Variants in ARHGAP26 observed in about 807,000 individuals in gnomAD.
ARHGAP26 encodes the protein rho GTPase-activating protein 26.
ARHGAP26 carries 38 observed loss-of-function variants against 104.8 expected under a neutral mutation model. The observed-to-expected ratio is 0.36, with a 90% CI of 0.28 to 0.48. The LOEUF (loss-of-function observed/expected upper bound fraction) is 0.48. Ranked by LOEUF, ARHGAP26 falls within the 20% of genes least tolerant of loss-of-function variation. The pLI is 0.99. For synonymous variants in ARHGAP26, 341 were observed against 340.0 expected (o/e 1.00, Z -0.03); for missense variants, 704 against 947.9 (o/e 0.74, Z 3.38).
intron 1 of ARHGAP26, among the ~76,000 whole-genome samples, chr5:142,797,359 A>G (rs1317846306): frequency 6.6e-6 from 1 of 152,228 alleles, no homozygotes; most frequent in Non-Finnish European, 1.5e-5. Context: ...GGATTGATGA[A>G]TGTTGCAAGT....
chr5:142,995,389 T>A (rs1242787939), intron 11 of ARHGAP26, among the ~76,000 whole-genome samples: 2 of 152,156 alleles, frequency 1.3e-5, no homozygotes, highest in Non-Finnish European at 2.9e-5. Context: ...AAATTTATGC[T>A]GCCAACAAAC....
intron 1 of ARHGAP26, among the ~76,000 whole-genome samples, chr5:142,813,363 G>A (rs770817313): frequency 9.2e-5 from 14 of 152,194 alleles, no homozygotes; most frequent in Non-Finnish European, 1.9e-4. Flanking sequence ...GCACTCAGTG[G>A]CCTGATAGGA....
intron 11 of ARHGAP26, among the ~76,000 whole-genome samples, chr5:142,940,859 G>A (rs886247875): frequency 6.6e-6 from 1 of 151,886 alleles, no homozygotes; most frequent in Non-Finnish European, 1.5e-5. Flanking sequence ...GGCAGATAAC[G>A]AGGTCAGGAG....
At position 143,196,442 on chromosome 5, in the gene ARHGAP26, T is replaced by C. The variant is rs140506936; in HGVS notation, c.1989-10756T>C. Among the ~76,000 whole-genome samples the C allele has an allele frequency of 2.1e-3, 327 of 152,340 alleles. 1 individual carries two copies. The highest frequency in any genetic ancestry group is 6.9e-3 in the African/African-American group (288 of 41,572). ...GGGGAAATACAGAGTGAGCTTCCTG[T>C]AAGCCCCTGGTCACAACATTTTCAT... On this transcript the variant is annotated intron_variant, in intron 20 of 22. Transcript: ENST00000645722.
intron 20 of ARHGAP26, among the ~76,000 whole-genome samples, chr5:143,188,859 A>G (rs1805509660): frequency 6.6e-6 from 1 of 152,258 alleles, no homozygotes; most frequent in Non-Finnish European, 1.5e-5. Context: ...TAACTGTAGT[A>G]TCAAACAGTG....
intron 5 of ARHGAP26, among the ~76,000 whole-genome samples, chr5:142,890,466 G>A: frequency 6.6e-6 from 1 of 151,424 alleles, no homozygotes; most frequent in East Asian, 2.0e-4. Flanking sequence ...GGAGGGTTGG[G>A]CAGATTATTA....
intron 1 of ARHGAP26, among the ~76,000 whole-genome samples, chr5:142,785,386 T>A (rs1461144460): frequency 1.3e-5 from 2 of 152,244 alleles, no homozygotes; most frequent in African/African-American, 4.8e-5. Flanking sequence ...TCACACATTC[T>A]TGTCCTCTGA....
chr5:142,770,633 CA>C lies in ARHGAP26; in HGVS notation c.-128del, dbSNP rs1754996237. 4.7e-6 allele frequency: 3 copies of C among 644,076 alleles called. No homozygotes were observed. The highest frequency in any genetic ancestry group is 5.9e-6 in the Non-Finnish European group (3 of 507,446). 39.9% of individuals were successfully genotyped at this position (644,076 alleles called of 1,614,324 possible). A position where few individuals can be genotyped will look rare whatever the true frequency, so the allele number is the denominator to read the frequency against. Reference sequence around the variant, plus strand: ...GGCGGACACCGCGCGCGGAGTGAGCCAGCGCCACACCTGTGGAGCCGGCGGC... The same window carrying C: ...GGCGGACACCGCGCGCGGAGTGAGCCGCGCCACACCTGTGGAGCCGGCGGC... On this transcript the variant is annotated 5_prime_UTR_variant, in exon 1 of 23. Coordinates refer to ENST00000645722, the MANE Select transcript of ARHGAP26 (RefSeq NM_001135608.3).
intron 11 of ARHGAP26, 49 bp from the exon 12 acceptor site, chr5:143,014,031 T>C (rs1226139395): frequency 4.4e-6 from 7 of 1,577,684 alleles, no homozygotes; most frequent in Non-Finnish European, 6.1e-6. Context: ...AGTGAACCTA[T>C]AGGGTGGCAT....
intron 17 of ARHGAP26, among the ~76,000 whole-genome samples, chr5:143,114,206 A>T (rs1450851705): frequency 6.6e-6 from 1 of 152,182 alleles, no homozygotes; most frequent in Non-Finnish European, 1.5e-5. Context: ...TTGGTGAGCC[A>T]GGCCTCAGTC....
intron 1 of ARHGAP26, among the ~76,000 whole-genome samples, chr5:142,825,895 C>T (rs1767153747): frequency 6.6e-6 from 1 of 152,204 alleles, no homozygotes; most frequent in East Asian, 1.9e-4. Flanking sequence ...TGTTGCCTTT[C>T]CCGTGCTGTG....
At chr5:143,221,431 A>C (rs1390524994) in intron 22 of ARHGAP26, among the ~76,000 whole-genome samples, 1 of 151,758 alleles carries the variant, frequency 6.6e-6, no homozygotes, top group East Asian at 1.9e-4. Flanking sequence ...AACCAAAAAA[A>C]AAAAAAAAAA....
chr5:143,184,986 C>T (rs1009995861), intron 20 of ARHGAP26, among the ~76,000 whole-genome samples: 7 of 152,136 alleles, frequency 4.6e-5, no homozygotes, highest in African/African-American at 1.7e-4. Context: ...GAGGTCTATG[C>T]AACAGTGAGT....
At chr5:143,067,477 G>A (rs1289916474) in intron 17 of ARHGAP26, among the ~76,000 whole-genome samples, 3 of 152,074 alleles carry the variant, frequency 2.0e-5, no homozygotes, top group African/African-American at 7.2e-5. Context: ...TTTCACTTTT[G>A]CAGTTTCAGT....
chr5:142,899,839 G>A (rs939291192), intron 6 of ARHGAP26, among the ~76,000 whole-genome samples: 1 of 152,106 alleles, frequency 6.6e-6, no homozygotes, highest in African/African-American at 2.4e-5. Context: ...ACTAAAGGAG[G>A]AAAAACAAAA....
At chr5:143,090,095 C>T (rs535836188) in intron 17 of ARHGAP26, among the ~76,000 whole-genome samples, 3 of 152,368 alleles carry the variant, frequency 2.0e-5, no homozygotes, top group Admixed American at 2.0e-4. Flanking sequence ...CACTAAGTTT[C>T]CTCCCTGTCG....
Position 143,222,550 on chromosome 5 carries a change from C to A in ARHGAP26, c.*104C>A. 2.3e-6 allele frequency: 2 copies of A among 883,914 alleles called. No individual in the cohort carries two copies. The highest frequency in any genetic ancestry group is 3.3e-6 in the Non-Finnish European group (2 of 602,536). The allele number at this position is 883,914 out of a possible 1,614,324, so 54.8% of individuals were successfully genotyped here. On this transcript the variant is annotated 3_prime_UTR_variant, in exon 23 of 23. Transcript: ENST00000645722. Reference sequence around the variant, plus strand: ...TTTGCCACTGAGAAATGCAGCGTGACTGACTCTGTTGCTACCTGTCAACAT... The same window carrying A: ...TTTGCCACTGAGAAATGCAGCGTGAATGACTCTGTTGCTACCTGTCAACAT...
intron 21 of ARHGAP26, among the ~76,000 whole-genome samples, chr5:143,210,655 T>C (rs1033691148): frequency 3.9e-5 from 6 of 152,224 alleles, no homozygotes; most frequent in African/African-American, 1.4e-4. Flanking sequence ...TCCCTGGAAA[T>C]TATGCCTAAA....
chr5:143,147,091 C>T lies in ARHGAP26; in HGVS notation c.1838-140C>T, dbSNP rs546988720. 2.1e-5 allele frequency: 23 copies of T among 1,072,556 alleles called. No individual in the cohort carries two copies. The Admixed American group carries it at 6.0e-4, about 28-fold the overall frequency. The allele number at this position is 1,072,556 out of a possible 1,614,324, so 66.4% of individuals were successfully genotyped here. A position where few individuals can be genotyped will look rare whatever the true frequency, so the allele number is the denominator to read the frequency against. On this transcript the variant is annotated intron_variant, in intron 19 of 22. Coordinates refer to ENST00000645722, the MANE Select transcript of ARHGAP26 (RefSeq NM_001135608.3). ...TCCTTTCCCACTTTTAATTCTTAAC[C>T]TTTTCTATGTTGTTTCTTAAGCTTC...
Sources: allele counts gnomAD v4.1 joint callset (sites outside exome capture counted in the v4.1 genomes callset), GRCh38; gene constraint gnomAD v4.1.1; transcripts MANE v1.5; gene names NCBI Gene and HGNC (gene_info 2026-07-23, HGNC 2026-07-21).